The following DDOST variants were observed in gnomAD, a reference collection of about 807,000 sequenced individuals.
DDOST encodes dolichyl-diphosphooligosaccharide--protein glycosyltransferase non-catalytic subunit.
In DDOST, 25 loss-of-function variants were observed where a neutral mutation model predicts 47.6. The ratio of observed to expected loss-of-function variants is 0.53; its 90% CI spans 0.38 to 0.73. The LOEUF (loss-of-function observed/expected upper bound fraction) is 0.73, where lower values mean the gene tolerates loss of function less well. DDOST is among the 30% of genes least tolerant of loss of function. DDOST has a pLI of 0.00. For synonymous variants in DDOST, 275 were observed against 236.0 expected, an observed-to-expected ratio of 1.17 and a Z score of -1.51; for missense variants, 526 against 573.9, an observed-to-expected ratio of 0.92 and a Z score of 0.85.
chr1:20,660,558 A>T (rs2053423795), intron 2 of DDOST: 2 of 201,906 alleles, frequency 9.9e-6, no homozygotes, highest in Non-Finnish European at 2.0e-5. Context: ...TCCTCTTTCC[A>T]CCCAGGCAAA....
chr1:20,655,966 C>A, intron 3 of DDOST, 135 bp downstream of exon 3: 1 of 864,772 alleles, frequency 1.2e-6, no homozygotes, highest in Non-Finnish European at 1.9e-6. Flanking sequence ...AGATTCTGAA[C>A]TGAGAAAACG....
At chr1:20,653,594 C>T (rs889845144) in intron 8 of DDOST, 33 bp downstream of exon 8, 1 of 1,515,694 alleles carries the variant, frequency 6.6e-7, no homozygotes, top group Non-Finnish European at 8.9e-7. Context: ...CTTGGCAAAC[C>T]CTTTGGGCCC....
chr1:20,658,128 G>A (rs756598022), intron 2 of DDOST, among the ~76,000 whole-genome samples: 1 of 152,226 alleles, frequency 6.6e-6, no homozygotes, highest in Non-Finnish European at 1.5e-5. Context: ...AGACCACCTG[G>A]AGTTAAAACT....
Position 20,652,361 on chromosome 1 carries a change from GGA to G in DDOST, c.*16_*17del, listed in dbSNP as rs1557570187. 5.6e-6 allele frequency: 9 copies of G among 1,599,796 alleles called. No individual in the cohort carries two copies. Among genetic ancestry groups the G allele is most frequent in the Middle Eastern group, 1.7e-4 (1 of 5,982 alleles). On this transcript the variant is annotated 3_prime_UTR_variant, in exon 11 of 11. Transcript: ENST00000602624. The stretch of plus-strand genomic sequence containing the variant: ...TCCTTGCCCCGTCTCCACGCTGTGC[GGA>G]GAGGGCTCTAGCCCCTCAGTCGGAC...
intron 2 of DDOST, chr1:20,660,468 G>C (rs2053423201): frequency 6.4e-6 from 1 of 157,016 alleles, no homozygotes; most frequent in Admixed American, 6.2e-5. Context: ...CCGAGACTAT[G>C]AATCTATCTG....
chr1:20,652,227 C>G lies in DDOST; in HGVS notation c.*152G>C. The G allele has an allele frequency of 1.4e-6, 1 of 713,208 alleles. No individual in the cohort carries two copies. Among genetic ancestry groups the G allele is most frequent in the South Asian group, 2.6e-5 (1 of 38,038 alleles). 44.2% of individuals were successfully genotyped at this position (713,208 alleles called of 1,614,324 possible). A position where few individuals can be genotyped will look rare whatever the true frequency, so the allele number is the denominator to read the frequency against. ...TTCTTTTATATAAAAATTATCCCAA[C>G]TCCCACCCCTTGGCTCTCAGTGTTG... On this transcript the variant is annotated 3_prime_UTR_variant, in exon 11 of 11. Transcript: ENST00000602624.
intron 2 of DDOST, among the ~76,000 whole-genome samples, chr1:20,659,255 G>T (rs2053410044): frequency 6.6e-6 from 1 of 151,750 alleles, no homozygotes. Context: ...CATGAAGGAC[G>T]TGTGCAAATG....
intron 5 of DDOST, among the ~76,000 whole-genome samples, chr1:20,655,176 T>TTTG (rs1557572148): frequency 8.0e-6 from 1 of 124,918 alleles, no homozygotes; most frequent in Non-Finnish European, 1.8e-5. Context: ...TTTTTGTTTT[T>TTTG]TTTTTTTTTT....
chr1:20,655,186 T>TG (rs1490268283), intron 5 of DDOST, among the ~76,000 whole-genome samples: 3 of 148,724 alleles, frequency 2.0e-5, no homozygotes, highest in Admixed American at 1.3e-4. Context: ...TTTTTTTTTT[T>TG]TTTTTTTTTA....
In DDOST at chr1:20,652,528, C is replaced by T. The variant is rs754036321; in HGVS notation, c.1171G>A (p.Val391Ile). The T allele has an allele frequency of 2.0e-5, 33 of 1,613,816 alleles. No homozygotes were observed. Among genetic ancestry groups the T allele is most frequent in the Non-Finnish European group, 2.8e-5 (33 of 1,179,946 alleles). The stretch of plus-strand genomic sequence containing the variant: ...GTGTGCTGGAGTGGCCGCACGGATA[C>T]CTGCAGGAGGACAGAGGTGGCAGGA... ...GYTHLYSSTQVSVRPLQHTQY... is the reference protein window; with the variant it reads ...GYTHLYSSTQISVRPLQHTQY... The change falls in exon 11 of 11, where the codon GTA becomes ATA. Residue 391 changes from valine to isoleucine, a missense_variant and splice_region_variant. Transcript: ENST00000602624.
chr1:20,654,375 G>T lies in DDOST; in HGVS notation c.646-4C>A. The T allele has an allele frequency of 6.4e-7, 1 of 1,558,088 alleles. No individual in the cohort carries two copies. The highest frequency in any genetic ancestry group is 8.7e-7 in the Non-Finnish European group (1 of 1,149,972). On this transcript the variant is annotated splice_polypyrimidine_tract_variant and splice_region_variant and intron_variant, in intron 6 of 10. Coordinates refer to ENST00000602624, the MANE Select transcript of DDOST (RefSeq NM_005216.5). ...TCTTCCCCACCGCATGTGGATACTG[G>T]GAACAAAACGAGGCTGTGACCCAAG...
intron 5 of DDOST, 70 bp from the exon 6 acceptor site, chr1:20,654,777 G>A (rs1006509776): frequency 9.8e-7 from 1 of 1,017,824 alleles, no homozygotes; most frequent in African/African-American, 1.6e-5. Context: ...ATCCCCGAGA[G>A]CCAGTTCTTC....
At chr1:20,660,433 T>C (rs1017494241) in intron 2 of DDOST, 1 of 154,914 alleles carries the variant, frequency 6.5e-6, no homozygotes, top group African/African-American at 2.4e-5. Flanking sequence ...GGGTGGTAGA[T>C]AATTGCTAAG....
intron 5 of DDOST, among the ~76,000 whole-genome samples, chr1:20,655,183 T>TTG (rs1553147572): frequency 1.3e-5 from 2 of 149,658 alleles, no homozygotes; most frequent in East Asian, 2.0e-4. Context: ...TTTTTTTTTT[T>TTG]TTTTTTTTTT....
In DDOST at chr1:20,652,737, A is replaced by T. The variant is rs1437935477; in HGVS notation, c.1064-10T>A. On this transcript the variant is annotated splice_polypyrimidine_tract_variant and intron_variant, in intron 9 of 10. Coordinates refer to ENST00000602624, the MANE Select transcript of DDOST (RefSeq NM_005216.5). ...ACACTGTATTTGCCACCTGCGGAAGAACCAACAAGAATAACCGGGAGGGGT... is the reference window on the plus strand; with the variant it reads ...ACACTGTATTTGCCACCTGCGGAAGTACCAACAAGAATAACCGGGAGGGGT... 6.2e-7 allele frequency: 1 copy of T among 1,614,142 alleles called. No individual in the cohort carries two copies. The highest frequency in any genetic ancestry group is 1.7e-5 in the Admixed American group (1 of 60,020).
Position 20,654,128 on chromosome 1 carries a change from T to C in DDOST, c.794+95A>G, listed in dbSNP as rs1410923909. Reference sequence around the variant, plus strand: ...CTGAAACACTCAGCCTCTGACACTTTTAGCTAAAAGCCTCCTTCTTCCCCT... The same window carrying C: ...CTGAAACACTCAGCCTCTGACACTTCTAGCTAAAAGCCTCCTTCTTCCCCT... On this transcript the variant is annotated intron_variant, in intron 7 of 10. Coordinates refer to ENST00000602624, the MANE Select transcript of DDOST (RefSeq NM_005216.5). 9.9e-6 allele frequency: 14 copies of C among 1,411,206 alleles called. No homozygotes were observed. The East Asian group carries it at 3.0e-4, about 30-fold the overall frequency. The allele number at this position is 1,411,206 out of a possible 1,614,324, so 87.4% of individuals were successfully genotyped here. A position where few individuals can be genotyped will look rare whatever the true frequency, so the allele number is the denominator to read the frequency against.
Position 20,655,421 on chromosome 1 carries a change from T to G in DDOST, c.551+19A>C. On this transcript the variant is annotated intron_variant, in intron 5 of 10. Transcript: ENST00000602624. ...CTTCCCCCAGGTTTCTGCTGTCCTC[T>G]CCCTGCTCACTCACTCACCCAACAC... 6.3e-7 allele frequency: 1 copy of G among 1,594,786 alleles called. No homozygotes were observed. The highest frequency in any genetic ancestry group is 2.2e-5 in the East Asian group (1 of 44,700).
Position 20,654,231 on chromosome 1 carries a change from G to A in DDOST, c.786C>T (p.Gly262=), listed in dbSNP as rs905512927. The A allele has an allele frequency of 1.9e-6, 3 of 1,550,480 alleles. No homozygotes were observed. The highest frequency in any genetic ancestry group is 2.6e-6 in the Non-Finnish European group (3 of 1,146,948). Residue 262 remains glycine, a synonymous_variant, in exon 7 of 11, where the codon GGC becomes GGT. Coordinates refer to ENST00000602624, the MANE Select transcript of DDOST (RefSeq NM_005216.5). ...AGCCTCCTGGCAGCTACCTCTGGGA[G>A]CCGGGCGCCGCCTTCTGCACTGCTG... The part of the protein sequence containing the change: ...FNSAVQKAAP[G]SQRYSQTGNY...
chr1:20,652,895 A>AACTC lies in DDOST; in HGVS notation c.1015_1018dup (p.Phe340Ter). The AACTC allele has an allele frequency of 6.2e-7, 1 of 1,614,200 alleles. No individual in the cohort carries two copies. The highest frequency in any genetic ancestry group is 2.2e-5 in the East Asian group (1 of 44,880). ...CCTCACAAAAGGATCAATGCGGACA[A>AACTC]ACTCCAGCTGAATGTCATCGCCATC... is the stretch of plus-strand genomic sequence containing the variant. On this transcript the variant is annotated stop_gained and frameshift_variant, in exon 9 of 11. Coordinates refer to ENST00000602624, the MANE Select transcript of DDOST (RefSeq NM_005216.5). LOFTEE classifies it high-confidence loss of function.
Sources: gnomAD v4.1 joint callset for allele counts (sites outside exome capture counted in the v4.1 genomes callset) on GRCh38, gnomAD v4.1.1 for gene constraint, MANE v1.5 for transcripts, NCBI Gene and HGNC (gene_info 2026-07-23, HGNC 2026-07-21) for gene names.